DCUN1D3: variants seen among roughly 807,000 people sequenced by gnomAD.
The protein encoded by DCUN1D3 is defective in cullin neddylation 1 domain containing 3.
A neutral mutation model predicts 24.8 loss-of-function variants in DCUN1D3; 6 were observed. The observed-to-expected ratio is 0.24, with a 90% CI of 0.13 to 0.48. The LOEUF is 0.48. Ranked by LOEUF, DCUN1D3 falls within the 20% of genes least tolerant of loss-of-function variation. The pLI is 0.99. For synonymous variants in DCUN1D3, 120 were observed against 144.9 expected (o/e 0.83, Z 1.24); for missense variants, 258 against 379.4 (o/e 0.68, Z 2.66).
chr16:20,899,519 T>C (rs2081948098), intron 1 of DCUN1D3, among the ~76,000 whole-genome samples: 1 of 146,950 alleles, frequency 6.8e-6, no homozygotes, highest in Admixed American at 6.9e-5. Context: ...CTAAGTGCCA[T>C]AAAGGAGGAA....
At chr16:20,861,773 G>T (rs1361406567) in intron 2 of DCUN1D3, among the ~76,000 whole-genome samples, 7 of 146,466 alleles carry the variant, frequency 4.8e-5, no homozygotes, top group Non-Finnish European at 9.1e-5. Flanking sequence ...AAAAGAAAAA[G>T]AAAAAAAAAA....
intron 1 of DCUN1D3, among the ~76,000 whole-genome samples, chr16:20,899,537 GA>G (rs557083551): frequency 1.4e-5 from 2 of 140,572 alleles, no homozygotes; most frequent in African/African-American, 5.3e-5. Context: ...GAAAGGGGAA[GA>G]AAAAAAAATC....
intron 1 of DCUN1D3, among the ~76,000 whole-genome samples, chr16:20,898,873 G>C (rs2081935964): frequency 9.7e-6 from 1 of 103,054 alleles, no homozygotes; most frequent in Non-Finnish European, 2.0e-5. Flanking sequence ...CTGTCTGAGA[G>C]GCTAGAAGAG....
intron 2 of DCUN1D3, 127 bp downstream of exon 2, chr16:20,861,981 A>T: frequency 1.0e-6 from 1 of 982,590 alleles, no homozygotes. Flanking sequence ...GAACCTGATC[A>T]GAAAAATAAA....
At chr16:20,879,799 T>G (rs138158028) in intron 1 of DCUN1D3, among the ~76,000 whole-genome samples, 200 of 152,342 alleles carry the variant, frequency 1.3e-3, no homozygotes, top group Non-Finnish European at 2.3e-3. Flanking sequence ...GCAGCCAAGA[T>G]TAACTCCTAT....
At chr16:20,879,876 G>A (rs1235698868) in intron 1 of DCUN1D3, among the ~76,000 whole-genome samples, 4 of 152,156 alleles carry the variant, frequency 2.6e-5, no homozygotes, top group Admixed American at 2.6e-4. Flanking sequence ...ATCCACCACT[G>A]CTCAGCAAAA....
chr16:20,887,156 G>C (rs1335363001), intron 1 of DCUN1D3, among the ~76,000 whole-genome samples: 1 of 152,120 alleles, frequency 6.6e-6, no homozygotes, highest in East Asian at 1.9e-4. Context: ...ACAAAAATTA[G>C]CAGGGCGTGG....
intron 1 of DCUN1D3, among the ~76,000 whole-genome samples, chr16:20,870,515 T>C (rs920843176): frequency 2.0e-5 from 3 of 152,172 alleles, no homozygotes; most frequent in African/African-American, 7.2e-5. Flanking sequence ...GGAATGCATG[T>C]TGGCTACTAC....
At chr16:20,885,933 C>G (rs2081866266) in intron 1 of DCUN1D3, among the ~76,000 whole-genome samples, 1 of 152,046 alleles carries the variant, frequency 6.6e-6, no homozygotes, top group Non-Finnish European at 1.5e-5. Context: ...CCCAACAGAA[C>G]AAGTCAGACC....
intron 1 of DCUN1D3, among the ~76,000 whole-genome samples, chr16:20,867,230 C>A (rs563178185): frequency 6.6e-6 from 1 of 152,070 alleles, no homozygotes; most frequent in East Asian, 1.9e-4. Context: ...CTGAGCCCAC[C>A]CCCAGCAAAG....
intron 1 of DCUN1D3, among the ~76,000 whole-genome samples, chr16:20,887,557 G>A (rs187159419): frequency 1.3e-5 from 2 of 152,344 alleles, no homozygotes; most frequent in East Asian, 3.9e-4. Flanking sequence ...AATGGTGGCA[G>A]AGTCTAGACT....
At chr16:20,890,861 C>A (rs867301489) in intron 1 of DCUN1D3, among the ~76,000 whole-genome samples, 2 of 151,614 alleles carry the variant, frequency 1.3e-5, no homozygotes, top group Admixed American at 6.6e-5. Context: ...GCTTGCAGGT[C>A]GGCACTAGCA....
At chr16:20,861,081 A>G (rs1201103418) in intron 2 of DCUN1D3, among the ~76,000 whole-genome samples, 2 of 152,124 alleles carry the variant, frequency 1.3e-5, no homozygotes, top group Non-Finnish European at 2.9e-5. Context: ...GTTCTTATTC[A>G]CAACCCCGTG....
At chr16:20,899,730 T>C (rs2081953045) in intron 1 of DCUN1D3, 2 of 152,248 alleles carry the variant, frequency 1.3e-5, no homozygotes, top group Non-Finnish European at 2.9e-5. Flanking sequence ...ACACAGATGG[T>C]TATCGTTTAT....
At chr16:20,885,622 T>C (rs1296144155) in intron 1 of DCUN1D3, among the ~76,000 whole-genome samples, 2 of 152,104 alleles carry the variant, frequency 1.3e-5, no homozygotes, top group East Asian at 3.8e-4. Context: ...GATTTCCATT[T>C]TATTCTGGGT....
chr16:20,872,397 G>C (rs972237262), intron 1 of DCUN1D3, among the ~76,000 whole-genome samples: 2 of 151,886 alleles, frequency 1.3e-5, no homozygotes, highest in Admixed American at 1.3e-4. Flanking sequence ...ATGTGGTTTC[G>C]GGAGCCAAAG....
chr16:20,881,357 T>A (rs374011141), intron 1 of DCUN1D3, among the ~76,000 whole-genome samples: 1 of 152,170 alleles, frequency 6.6e-6, no homozygotes, highest in Non-Finnish European at 1.5e-5. Context: ...CAATGACCGA[T>A]GAGTGTGCCA....
At chr16:20,873,407 T>A (rs1417532246) in intron 1 of DCUN1D3, among the ~76,000 whole-genome samples, 1 of 152,070 alleles carries the variant, frequency 6.6e-6, no homozygotes, top group Non-Finnish European at 1.5e-5. Flanking sequence ...GGTAGAAGGG[T>A]CTGGCCCATG....
intron 1 of DCUN1D3, among the ~76,000 whole-genome samples, chr16:20,867,336 A>G (rs1389987821): frequency 6.6e-6 from 1 of 152,162 alleles, no homozygotes; most frequent in Non-Finnish European, 1.5e-5. Flanking sequence ...CACTGGAGAG[A>G]GAACACATGG....
Sources: gnomAD v4.1 joint callset for allele counts (sites outside exome capture counted in the v4.1 genomes callset) on GRCh38, gnomAD v4.1.1 for gene constraint, MANE v1.5 for transcripts, NCBI Gene and HGNC (gene_info 2026-07-23, HGNC 2026-07-21) for gene names.